The following DZIP1 variants were observed in gnomAD, a reference collection of about 807,000 sequenced individuals.
The protein encoded by DZIP1 is cilium assembly protein DZIP1.
Under a neutral mutation model 107.6 loss-of-function variants are expected in DZIP1, and 97 were observed. The observed-to-expected ratio is 0.90, with a 90% CI of 0.77 to 1.07. DZIP1 has a LOEUF of 1.07. Among genes scored for constraint, DZIP1 ranks in the 50% least tolerant of loss-of-function variants. The pLI, the probability that DZIP1 is intolerant of heterozygous loss-of-function variation, is 0.00. For missense variants in DZIP1, 1,035 were observed against 1,063.6 expected, an observed-to-expected ratio of 0.97 and a Z score of 0.37; for synonymous variants, 390 against 386.4, an observed-to-expected ratio of 1.01 and a Z score of -0.11.
At chr13:95,583,976 A>G (rs1469342155) in intron 22 of DZIP1, among the ~76,000 whole-genome samples, 1 of 151,804 alleles carries the variant, frequency 6.6e-6, no homozygotes, top group East Asian at 1.9e-4. Context: ...ATAAAAAAAT[A>G]ATAATAATAA....
intron 16 of DZIP1, among the ~76,000 whole-genome samples, chr13:95,591,335 C>T (rs72636506): frequency 0.16 from 23,736 of 152,074 alleles, 2,404 homozygotes; most frequent in Non-Finnish European, 0.22. Context: ...CTAGAGGTGA[C>T]ATTTAACTAT....
chr13:95,602,061 C>T (rs1034983877), intron 14 of DZIP1, among the ~76,000 whole-genome samples: 5 of 152,114 alleles, frequency 3.3e-5, no homozygotes, highest in African/African-American at 1.2e-4. Context: ...TCCAATTCTG[C>T]ACACCCAGCC....
intron 10 of DZIP1, among the ~76,000 whole-genome samples, chr13:95,614,086 A>G (rs1874733267): frequency 6.8e-6 from 1 of 146,946 alleles, no homozygotes; most frequent in Admixed American, 7.0e-5. Context: ...TGCTCAAGCC[A>G]CTGCACTGTA....
rs1263498035 is a variant in DZIP1 at position 95,589,840 on chromosome 13, G to A, written c.1936C>T (p.Gln646Ter). 6.2e-7 allele frequency: 1 copy of A among 1,613,932 alleles called. No individual in the cohort carries two copies. Among genetic ancestry groups the A allele is most frequent in the East Asian group, 2.2e-5 (1 of 44,858 alleles). The change falls in exon 18 of 23, where the codon CAA becomes TAA. Residue 646 changes from glutamine to a stop codon, truncating the protein, a stop_gained. Transcript: ENST00000376829. LOFTEE classifies it high-confidence loss of function. ...LPSKNRQLIR[Q>*]KAVSTDRTSV... ...GTCCTATCAGTAGAAACAGCTTTTT[G>A]TCTAATCAGTTGTCTGTTTTTGGAA...
chr13:95,589,995 G>A, intron 17 of DZIP1, 63 bp from the exon 18 acceptor site: 2 of 1,578,790 alleles, frequency 1.3e-6, no homozygotes, highest in Admixed American at 3.6e-5. Flanking sequence ...AAAAGCAAAG[G>A]TAAACGGTAT....
At position 95,641,965 on chromosome 13, in the gene DZIP1, CG is replaced by C. The variant is rs1878589005; in HGVS notation, c.36+28del. On this transcript the variant is annotated intron_variant, in intron 4 of 22. Transcript: ENST00000376829. This position sits in a 1 kb window ranked among gnomAD's most constrained non-coding sequence, Gnocchi z 4.3. ...GTTCTCCCCAGCCCGGCATCCCCGT[CG>C]GGGGCGCCCCGGCCTCCCGCCTCTT... The C allele has an allele frequency of 6.4e-7, 1 of 1,570,694 alleles. No homozygotes were observed. Among genetic ancestry groups the C allele is most frequent in the Non-Finnish European group, 8.6e-7 (1 of 1,164,056 alleles).
chr13:95,641,874 G>C lies in DZIP1; in HGVS notation c.37-19C>G, dbSNP rs1219553286. ...GGAAGGGCTGCGGGGGGCACAAAGA[G>C]AGCGCGGCGGGAGGCGGGGATGGGG... On this transcript the variant is annotated intron_variant, in intron 4 of 22. Transcript: ENST00000376829. This position sits in a 1 kb window ranked among gnomAD's most constrained non-coding sequence, Gnocchi z 4.3. 6.9e-7 allele frequency: 1 copy of C among 1,439,436 alleles called. No homozygotes were observed. Among genetic ancestry groups the C allele is most frequent in the Admixed American group, 3.1e-5 (1 of 32,120 alleles). The allele number at this position is 1,439,436 out of a possible 1,614,324, so 89.2% of individuals were successfully genotyped here.
chr13:95,618,303 A>T (rs1875401186), intron 10 of DZIP1, among the ~76,000 whole-genome samples: 1 of 152,250 alleles, frequency 6.6e-6, no homozygotes, highest in African/African-American at 2.4e-5. Context: ...GCAGATGCTC[A>T]GTAAATATCT....
chr13:95,623,676 C>T (rs992292661), intron 8 of DZIP1, among the ~76,000 whole-genome samples: 1 of 152,172 alleles, frequency 6.6e-6, no homozygotes, highest in African/African-American at 2.4e-5. Context: ...CACAGTGGCC[C>T]ACAAATGTAA....
intron 10 of DZIP1, among the ~76,000 whole-genome samples, chr13:95,615,014 T>C (rs1467547317): frequency 3.9e-4 from 59 of 152,194 alleles, no homozygotes; most frequent in Admixed American, 3.9e-3. Context: ...CACCCCTCTG[T>C]TAGGGTTTAA....
intron 8 of DZIP1, among the ~76,000 whole-genome samples, chr13:95,623,067 G>A (rs1876098412): frequency 6.6e-6 from 1 of 151,994 alleles, no homozygotes; most frequent in East Asian, 1.9e-4. Context: ...AATTTTTTAT[G>A]GGCACTTAAT....
chr13:95,632,988 CT>C (rs1392970812), intron 6 of DZIP1, among the ~76,000 whole-genome samples: 1 of 152,182 alleles, frequency 6.6e-6, no homozygotes, highest in African/African-American at 2.4e-5. Context: ...TTAAATGTGT[CT>C]CCTCAACCCC....
rs1342458378 is a variant in DZIP1, at chr13:95,641,865, G to A, written c.37-10C>T. On this transcript the variant is annotated splice_polypyrimidine_tract_variant and intron_variant, in intron 4 of 22. Transcript: ENST00000376829. This position sits in a 1 kb window ranked among gnomAD's most constrained non-coding sequence, Gnocchi z 4.3. ...CATGCTTCTGGAAGGGCTGCGGGGG[G>A]CACAAAGAGAGCGCGGCGGGAGGCG... The A allele has an allele frequency of 1.2e-5, 14 of 1,156,812 alleles. No homozygotes were observed. Among genetic ancestry groups the A allele is most frequent in the Non-Finnish European group, 1.5e-5 (14 of 913,470 alleles). 71.7% of individuals were successfully genotyped at this position (1,156,812 alleles called of 1,614,324 possible).
chr13:95,636,052 C>A lies in DZIP1; in HGVS notation c.598-2731G>T, dbSNP rs572144805. 4.6e-5 allele frequency among the ~76,000 whole-genome samples: 7 copies of A among 151,966 alleles called. No homozygotes were observed. The East Asian group carries it at 1.4e-3, about 29-fold the overall frequency. On this transcript the variant is annotated intron_variant, in intron 5 of 22. Transcript: ENST00000376829. ...TGGCATGCAAAAATAAAGCTTACTG[C>A]AGGGGATCTATAAATTAAGAAAGGA...
chr13:95,641,747 TG>T lies in DZIP1; in HGVS notation c.144del (p.Ser49AlafsTer24). ...AGAASMACAP[P>X]SAASGPLPFF... ...AAGGGCAGGGGCCCCGAAGCCGCGC[TG>T]GGGGGCGCACAGGCCATGGAGGCCG... On this transcript the variant is annotated frameshift_variant, in exon 5 of 23. Coordinates refer to ENST00000376829, the MANE Select transcript of DZIP1 (RefSeq NM_198968.4). LOFTEE classifies it high-confidence loss of function. The surrounding 1 kb of genome is among the most constrained non-coding windows in gnomAD (Gnocchi z 4.3). 1 of 1,589,548 alleles carries T rather than the reference TG, an allele frequency of 6.3e-7. No homozygotes were observed.
intron 13 of DZIP1, among the ~76,000 whole-genome samples, chr13:95,606,385 C>T (rs1234660651): frequency 6.6e-6 from 1 of 152,168 alleles, no homozygotes; most frequent in Non-Finnish European, 1.5e-5. Flanking sequence ...CCCATCACAC[C>T]TCATTTCTGC....
intron 14 of DZIP1, among the ~76,000 whole-genome samples, chr13:95,602,630 C>G (rs576371734): frequency 6.6e-5 from 10 of 152,386 alleles, no homozygotes; most frequent in East Asian, 5.8e-4. Context: ...TAACTCCTGT[C>G]AAAGACATGT....
At chr13:95,615,324 A>T (rs1294417134) in intron 10 of DZIP1, among the ~76,000 whole-genome samples, 1 of 152,252 alleles carries the variant, frequency 6.6e-6, no homozygotes, top group African/African-American at 2.4e-5. Context: ...CCAGGATTTT[A>T]AAAATGCCTT....
At chr13:95,623,558 A>G (rs1485364675) in intron 8 of DZIP1, among the ~76,000 whole-genome samples, 1 of 152,244 alleles carries the variant, frequency 6.6e-6, no homozygotes, top group Non-Finnish European at 1.5e-5. Flanking sequence ...CTGTGTTTCA[A>G]TAAAACTTCA....
Sources: gnomAD v4.1 joint callset for allele counts (sites outside exome capture counted in the v4.1 genomes callset) on GRCh38, gnomAD v4.1.1 for gene constraint, Gnocchi (gnomAD v3.1) non-coding constraint, MANE v1.5 for transcripts, NCBI Gene and HGNC (gene_info 2026-07-23, HGNC 2026-07-21) for gene names.